MEIS2: variants seen among roughly 807,000 people sequenced by gnomAD.
MEIS2 encodes homeobox protein Meis2.
In MEIS2, 9 loss-of-function variants were observed where a neutral mutation model predicts 58.6. That is an observed-to-expected ratio of 0.15 (90% CI 0.09 to 0.27). The LOEUF is 0.27. MEIS2 is among the 10% of genes least tolerant of loss of function. MEIS2 has a pLI of 1.00. For missense variants in MEIS2, 427 were observed against 635.0 expected, an observed-to-expected ratio of 0.67 and a Z score of 3.52; for synonymous variants, 221 against 228.4, an observed-to-expected ratio of 0.97 and a Z score of 0.29.
rs74008816 is a variant in MEIS2, at chr15:36,938,706, G to A, written c.977+11618C>T. On this transcript the variant is annotated intron_variant, in intron 9 of 11. Transcript: ENST00000561208. ...TGCTTTGGCTAGACTTTTATTTTCA[G>A]TTCACAGGCTTAGAATCATAAAATA... Among the ~76,000 whole-genome samples, 1,416 of 152,188 alleles carry A rather than the reference G, an allele frequency of 9.3e-3. 17 individuals carry two copies. The highest frequency in any genetic ancestry group is 0.031 in the African/African-American group (1,279 of 41,516).
At chr15:36,935,199 T>C (rs2058120151) in intron 9 of MEIS2, among the ~76,000 whole-genome samples, 1 of 151,770 alleles carries the variant, frequency 6.6e-6, no homozygotes, top group African/African-American at 2.4e-5. Flanking sequence ...TTTTTTTTTT[T>C]TTTTAGCGGA....
At chr15:37,067,441 C>G (rs4283187) in intron 7 of MEIS2, among the ~76,000 whole-genome samples, 1 of 152,002 alleles carries the variant, frequency 6.6e-6, no homozygotes, top group African/African-American at 2.4e-5. Context: ...GGCTCTCCCA[C>G]CCTTATGTCT....
intron 9 of MEIS2, among the ~76,000 whole-genome samples, chr15:36,927,792 G>A (rs2057807057): frequency 1.3e-5 from 2 of 152,216 alleles, no homozygotes; most frequent in East Asian, 1.9e-4. Context: ...ACATGTGTTA[G>A]GATGTCCACA....
chr15:37,037,056 A>G (rs1405722501), intron 7 of MEIS2, 97 bp from the exon 8 acceptor site: 2 of 1,192,360 alleles, frequency 1.7e-6, no homozygotes, highest in Non-Finnish European at 2.3e-6. Flanking sequence ...GTTGAAAGAA[A>G]TCCATTAAGC....
chr15:37,092,642 T>C (rs1293180931), intron 6 of MEIS2, among the ~76,000 whole-genome samples: 1 of 142,110 alleles, frequency 7.0e-6, no homozygotes, highest in Non-Finnish European at 1.5e-5. Context: ...TCCTACCAGC[T>C]GCAATCTTTC....
chr15:37,017,383 C>T (rs769254853), intron 8 of MEIS2, among the ~76,000 whole-genome samples: 10 of 152,074 alleles, frequency 6.6e-5, no homozygotes, highest in African/African-American at 1.2e-4. Flanking sequence ...TCAGAGGATC[C>T]GCTTGAGCCC....
In MEIS2 at chr15:37,036,904, C is replaced by T. The variant is rs183075611; in HGVS notation, c.810G>A (p.Pro270=). The change falls in exon 8 of 12, where the codon CCG becomes CCA. Residue 270 remains proline (P), a synonymous_variant. Transcript: ENST00000561208. ...ASPGTGDDDD[P]DKDKKRQKKR... ...TCTTCTGGCGTTTTTTGTCCTTATC[C>T]GGATCATCATCGTCACCTGTACCAG... 122 of 1,613,778 alleles carry T rather than the reference C, an allele frequency of 7.6e-5. No individual in the cohort carries two copies. The Admixed American group carries it at 9.0e-4, about 12-fold the overall frequency.
chr15:37,098,874 T>TG (rs1171790540), intron 1 of MEIS2: 119 of 976,394 alleles, frequency 1.2e-4, no homozygotes, highest in Middle Eastern at 1.1e-3. Flanking sequence ...GAGCGGAGGG[T>TG]GGGGGGGCGA....
intron 7 of MEIS2, among the ~76,000 whole-genome samples, chr15:37,064,062 C>T (rs1240439237): frequency 6.6e-6 from 1 of 152,106 alleles, no homozygotes; most frequent in African/African-American, 2.4e-5. Flanking sequence ...GCGAAGACAG[C>T]ATTTAGTCTG....
intron 3 of MEIS2, chr15:37,096,088 G>A: frequency 1.8e-6 from 1 of 557,626 alleles, no homozygotes; most frequent in Non-Finnish European, 3.1e-6. Flanking sequence ...ATTCCTGCTG[G>A]GGGGGAAAAC....
intron 8 of MEIS2, 77 bp downstream of exon 8, chr15:37,036,737 A>C: frequency 6.9e-7 from 1 of 1,454,808 alleles, no homozygotes; most frequent in Non-Finnish European, 9.1e-7. Flanking sequence ...AGTTTAAAAA[A>C]AAATCAGTAT....
At chr15:36,909,601 T>G (rs946259041) in intron 9 of MEIS2, among the ~76,000 whole-genome samples, 8 of 152,140 alleles carry the variant, frequency 5.3e-5, no homozygotes, top group African/African-American at 1.9e-4. Flanking sequence ...TAATTATTTT[T>G]GTACTCACAA....
chr15:37,098,274 G>A, intron 1 of MEIS2, 75 bp from the exon 2 acceptor site: 1 of 1,459,902 alleles, frequency 6.8e-7, no homozygotes, highest in Non-Finnish European at 9.1e-7. Flanking sequence ...AAGGGAAAAA[G>A]AGCAGGGAGA....
chr15:36,928,645 T>C (rs192887792), intron 9 of MEIS2, among the ~76,000 whole-genome samples: 14 of 152,336 alleles, frequency 9.2e-5, no homozygotes, highest in African/African-American at 3.1e-4. Flanking sequence ...TTACCTAATC[T>C]TGTATATAAG....
intron 8 of MEIS2, among the ~76,000 whole-genome samples, chr15:37,002,680 G>A (rs2060776004): frequency 6.6e-6 from 1 of 152,018 alleles, no homozygotes; most frequent in African/African-American, 2.4e-5. Context: ...TTTAGTGGTA[G>A]GGATTAATGA....
chr15:37,026,923 T>C (rs1445300995), intron 8 of MEIS2, among the ~76,000 whole-genome samples: 1 of 152,218 alleles, frequency 6.6e-6, no homozygotes, highest in African/African-American at 2.4e-5. Flanking sequence ...AAATTTGTTC[T>C]GGCAGATTTG....
intron 7 of MEIS2, among the ~76,000 whole-genome samples, chr15:37,062,960 T>C (rs1889418487): frequency 6.6e-6 from 1 of 152,170 alleles, no homozygotes; most frequent in African/African-American, 2.4e-5. Flanking sequence ...TTCCAAACTA[T>C]CAGTAATTTT....
At chr15:36,965,850 A>G (rs1206790733) in intron 8 of MEIS2, among the ~76,000 whole-genome samples, 2 of 152,242 alleles carry the variant, frequency 1.3e-5, no homozygotes, top group East Asian at 3.8e-4. Flanking sequence ...CAAGAAAAAA[A>G]GAGCTCACTG....
At chr15:37,033,608 AAAT>A (rs2062022476) in intron 8 of MEIS2, among the ~76,000 whole-genome samples, 1 of 152,232 alleles carries the variant, frequency 6.6e-6, no homozygotes, top group African/African-American at 2.4e-5. Flanking sequence ...AATTTACATG[AAAT>A]AATAATTTAG....
Sources: gnomAD v4.1 joint callset for allele counts (sites outside exome capture counted in the v4.1 genomes callset) on GRCh38, gnomAD v4.1.1 for gene constraint, MANE v1.5 for transcripts, NCBI Gene and HGNC (gene_info 2026-07-23, HGNC 2026-07-21) for gene names.